The following TET3 variants were observed in gnomAD, a reference collection of about 807,000 sequenced individuals.
TET3 encodes tet methylcytosine dioxygenase 3.
A neutral mutation model predicts 141.4 loss-of-function variants in TET3; 19 were observed. The observed-to-expected ratio is 0.13, with a 90% confidence interval of 0.09 to 0.20. TET3 has a LOEUF of 0.20. Among genes scored for constraint, TET3 ranks in the 10% least tolerant of loss-of-function variants. The pLI is 1.00. For missense variants in TET3, 1,874 were observed against 2,356.9 expected (o/e 0.80, Z 4.24); for synonymous variants, 1,043 against 980.9 (o/e 1.06, Z -1.18).
At position 74,102,552 on chromosome 2, in the gene TET3, C is replaced by T. The variant is rs1029811009; in HGVS notation, c.*376C>T. The T allele has an allele frequency of 1.3e-5, 2 of 158,892 alleles. No homozygotes were observed. The highest frequency in any genetic ancestry group is 4.8e-5 in the African/African-American group (2 of 41,682). 9.8% of individuals were successfully genotyped at this position (158,892 alleles called of 1,614,324 possible). ...GGAAAGAAAGTTTATAGTATCCTTT[C>T]ACAAAGGAGTAGTTTTAAATTCCAT... On this transcript the variant is annotated 3_prime_UTR_variant, in exon 12 of 12. Coordinates refer to ENST00000409262, the MANE Select transcript of TET3 (RefSeq NM_001287491.2).
chr2:74,052,083 A>G (rs530701363), intron 4 of TET3, among the ~76,000 whole-genome samples: 2 of 152,270 alleles, frequency 1.3e-5, no homozygotes, highest in Non-Finnish European at 2.9e-5. Context: ...GGGTTCAAGC[A>G]GTTCTCATGC....
At position 74,010,431 on chromosome 2, in the gene TET3, C is replaced by T. The variant is rs1429893128; in HGVS notation, c.360+7265C>T. ...CTAAATGCTCCCACCCCCACAGCCA[C>T]CACCGGCACAGGCAGGACCATGCTT... On this transcript the variant is annotated intron_variant, in intron 3 of 11. Coordinates refer to ENST00000409262, the MANE Select transcript of TET3 (RefSeq NM_001287491.2). Among the ~76,000 whole-genome samples, 3 of 152,360 alleles carry T rather than the reference C, an allele frequency of 2.0e-5. No homozygotes were observed. The East Asian group carries it at 5.8e-4, about 29-fold the overall frequency.
At chr2:74,062,341 T>A (rs1217286110) in intron 4 of TET3, among the ~76,000 whole-genome samples, 1 of 152,194 alleles carries the variant, frequency 6.6e-6, no homozygotes, top group African/African-American at 2.4e-5. Flanking sequence ...ATGGGGAAGT[T>A]GTAGTATGGA....
At chr2:74,034,800 G>T (rs552660058) in intron 3 of TET3, among the ~76,000 whole-genome samples, 78 of 152,170 alleles carry the variant, frequency 5.1e-4, no homozygotes, top group African/African-American at 1.5e-3. Context: ...CGGATTGCTG[G>T]GCTGTAGGAG....
intron 5 of TET3, among the ~76,000 whole-genome samples, chr2:74,076,163 T>G (rs1003819478): frequency 6.6e-6 from 1 of 152,164 alleles, no homozygotes; most frequent in Non-Finnish European, 1.5e-5. Context: ...ATATGTCTTT[T>G]TTTTTTTACC....
Position 74,046,329 on chromosome 2 carries a change from T to A in TET3, c.412T>A (p.Ser138Thr). ...VDGPVPGQMD[S>T]GPVYHGDSRQ... The stretch of plus-strand genomic sequence containing the variant: ...TGGACCTGTTCCAGGTCAGATGGAC[T>A]CAGGGCCAGTGTACCATGGGGACTC... Residue 138 changes from serine (S) to threonine (T), a missense_variant, in exon 4 of 12, where the codon TCA (serine) becomes ACA (threonine). Ser to Thr is a moderately conservative substitution (Grantham distance 58). Transcript: ENST00000409262. The surrounding 1 kb of genome is among the most constrained non-coding windows in gnomAD (Gnocchi z 4.3). The A allele has an allele frequency of 6.6e-7, 1 of 1,521,130 alleles. No homozygotes were observed. Among genetic ancestry groups the A allele is most frequent in the Non-Finnish European group, 8.8e-7 (1 of 1,137,036 alleles). 94.2% of individuals were successfully genotyped at this position (1,521,130 alleles called of 1,614,324 possible). A position where few individuals can be genotyped will look rare whatever the true frequency, so the allele number is the denominator to read the frequency against.
intron 5 of TET3, 121 bp from the exon 6 acceptor site, chr2:74,080,377 C>G: frequency 1.2e-6 from 1 of 810,918 alleles, no homozygotes; most frequent in Admixed American, 2.3e-5. Context: ...TCTTTCTTCT[C>G]TGTTGCCCCC....
intron 8 of TET3, 50 bp downstream of exon 8, chr2:74,090,097 G>A (rs1435103399): frequency 2.0e-5 from 32 of 1,601,662 alleles, no homozygotes; most frequent in East Asian, 1.1e-4. Context: ...CTCGCCTGGC[G>A]TCCTTCATGG....
chr2:73,988,914 CTTT>C (rs58533695), intron 2 of TET3, among the ~76,000 whole-genome samples: 3 of 122,452 alleles, frequency 2.4e-5, no homozygotes, highest in East Asian at 2.3e-4. Context: ...GAAATTAGAC[CTTT>C]TTTTTTTTTT....
intron 7 of TET3, among the ~76,000 whole-genome samples, chr2:74,089,118 TC>T (rs1690333110): frequency 6.8e-6 from 1 of 147,132 alleles, no homozygotes; most frequent in Non-Finnish European, 1.5e-5. Flanking sequence ...ATAGAACAGT[TC>T]CATCTTCCCC....
At chr2:74,056,361 C>T (rs532657828) in intron 4 of TET3, among the ~76,000 whole-genome samples, 1 of 152,332 alleles carries the variant, frequency 6.6e-6, no homozygotes, top group African/African-American at 2.4e-5. Context: ...TATTCATTCT[C>T]TCCCCAGCCT....
chr2:74,084,720 T>G (rs1027389205), intron 6 of TET3, among the ~76,000 whole-genome samples: 1 of 152,138 alleles, frequency 6.6e-6, no homozygotes, highest in Non-Finnish European at 1.5e-5. Flanking sequence ...CCCAAAGTGC[T>G]GGGATTACAG....
chr2:74,045,296 T>A (rs1687558740), intron 3 of TET3, among the ~76,000 whole-genome samples: 1 of 152,220 alleles, frequency 6.6e-6, no homozygotes, highest in African/African-American at 2.4e-5. Flanking sequence ...TTATGTAATT[T>A]TAGAGATGCT....
intron 4 of TET3, among the ~76,000 whole-genome samples, chr2:74,052,550 T>C (rs1382706005): frequency 1.6e-5 from 2 of 123,834 alleles, no homozygotes; most frequent in Non-Finnish European, 3.2e-5. Context: ...TACAAGTTCC[T>C]ATAGCCAAAA....
At chr2:74,012,599 A>T (rs893018457) in intron 3 of TET3, among the ~76,000 whole-genome samples, 1 of 152,204 alleles carries the variant, frequency 6.6e-6, no homozygotes, top group African/African-American at 2.4e-5. Flanking sequence ...CAAGCCAAGG[A>T]TATCTGACAT....
the TET3 span, among the ~76,000 whole-genome samples, chr2:74,116,481 A>G: frequency 6.6e-6 from 1 of 151,966 alleles, no homozygotes; most frequent in South Asian, 2.1e-4. Context: ...TCAGGAGTTC[A>G]AGACCAGCCA....
intron 5 of TET3, among the ~76,000 whole-genome samples, chr2:74,075,674 G>A (rs1689466989): frequency 6.6e-6 from 1 of 152,140 alleles, no homozygotes; most frequent in Non-Finnish European, 1.5e-5. Flanking sequence ...ATGATTTTGA[G>A]CTGAATGACT....
chr2:73,999,246 G>C (rs1684733453), intron 2 of TET3, among the ~76,000 whole-genome samples: 1 of 152,190 alleles, frequency 6.6e-6, no homozygotes, highest in Non-Finnish European at 1.5e-5. Context: ...CTGCAAGTGA[G>C]GGGGTGGCAA....
Position 74,087,766 on chromosome 2 carries a change from G to A in TET3, c.2680-64G>A. 6.8e-7 allele frequency: 1 copy of A among 1,462,764 alleles called. No individual in the cohort carries two copies. Among genetic ancestry groups the A allele is most frequent in the Non-Finnish European group, 9.2e-7 (1 of 1,090,106 alleles). 90.6% of individuals were successfully genotyped at this position (1,462,764 alleles called of 1,614,324 possible). ...CCTGGGTCTGTGTGACAAAGGGAGG[G>A]GTGGCACCATGCAGAGGAGCACGGG... On this transcript the variant is annotated intron_variant, in intron 6 of 11. Coordinates refer to ENST00000409262, the MANE Select transcript of TET3 (RefSeq NM_001287491.2). This position sits in a 1 kb window ranked among gnomAD's most constrained non-coding sequence, Gnocchi z 4.3.
Sources: allele counts gnomAD v4.1 joint callset (sites outside exome capture counted in the v4.1 genomes callset), GRCh38; gene constraint gnomAD v4.1.1; non-coding constraint Gnocchi (gnomAD v3.1); transcripts MANE v1.5; gene names NCBI Gene and HGNC (gene_info 2026-07-23, HGNC 2026-07-21).